The following SPG11 variants were observed in gnomAD, a reference collection of about 807,000 sequenced individuals.
SPG11 encodes the protein SPG11 vesicle trafficking associated, spatacsin.
SPG11 carries 222 observed loss-of-function variants against 274.0 expected under a neutral mutation model. That is an observed-to-expected ratio of 0.81 (90% confidence interval 0.73 to 0.91). SPG11 has a LOEUF of 0.91. SPG11 is among the 40% of genes least tolerant of loss of function. The pLI is 0.00. For missense variants in SPG11, 3,114 were observed against 2,872.7 expected (o/e 1.08, Z -1.92); for synonymous variants, 1,144 against 1,039.7 (o/e 1.10, Z -1.93).
chr15:44,643,527 A>ATTTCTT (rs2084516506), intron 7 of SPG11, among the ~76,000 whole-genome samples: 1 of 152,196 alleles, frequency 6.6e-6, no homozygotes, highest in South Asian at 2.1e-4. Context: ...CCATATAAGA[A>ATTTCTT]ATTGAACTTA....
At chr15:44,609,291 C>T (rs1397524785) in intron 18 of SPG11, among the ~76,000 whole-genome samples, 4 of 151,992 alleles carry the variant, frequency 2.6e-5, no homozygotes, top group Non-Finnish European at 5.9e-5. Context: ...ACCACCACCC[C>T]CGGCTAATTT....
rs563179053 is a variant in SPG11 at position 44,632,446 on chromosome 15, T to A, written c.1735+1059A>T. 2.6e-5 allele frequency among the ~76,000 whole-genome samples: 4 copies of A among 152,278 alleles called. No individual in the cohort carries two copies. The East Asian group carries it at 7.7e-4, about 29-fold the overall frequency. On this transcript the variant is annotated intron_variant, in intron 8 of 39. Transcript: ENST00000261866. ...TAAGAATAAAAGTTAGGCTTCCTAT[T>A]TATTAAAAAGGAAAGCCAAAATCTT...
At chr15:44,651,028 G>A (rs138394426) in intron 6 of SPG11, among the ~76,000 whole-genome samples, 2,156 of 152,242 alleles carry the variant, frequency 0.014, 49 homozygotes, top group East Asian at 0.037. Context: ...GATTACAGGC[G>A]TGAGCCACCG....
In SPG11 at chr15:44,584,210, G is replaced by A. The variant is rs312262767; in HGVS notation, c.5470C>T (p.Arg1824Ter). The A allele has an allele frequency of 4.3e-6, 7 of 1,614,072 alleles. No individual in the cohort carries two copies. Among genetic ancestry groups the A allele is most frequent in the African/African-American group, 1.3e-5 (1 of 74,928 alleles). The stretch of plus-strand genomic sequence containing the variant: ...AGTTCACCACTAGTTGAGATCTGTC[G>A]AGAAAATCTGGGCTCTGTTTCCTCC... ...NQEETEPRFSRQISTSGELSF... is the reference protein window; with the variant it reads ...NQEETEPRFS Residue 1824 changes from arginine (R) to a stop codon, truncating the protein, a stop_gained, in exon 30 of 40, where the codon CGA (arginine) becomes TGA (stop). Transcript: ENST00000261866. LOFTEE classifies it high-confidence loss of function.
At chr15:44,583,744 C>T in intron 30 of SPG11, 70 bp downstream of exon 30, 1 of 1,604,498 alleles carries the variant, frequency 6.2e-7, no homozygotes, top group South Asian at 1.1e-5. Flanking sequence ...CCACAAGGGT[C>T]CCTTCCTTCT....
At chr15:44,573,423 A>T in intron 32 of SPG11, 124 bp downstream of exon 32, 1 of 983,662 alleles carries the variant, frequency 1.0e-6, no homozygotes, top group Non-Finnish European at 1.6e-6. Context: ...AAAATACATT[A>T]CTGCAATCCA....
At chr15:44,653,132 A>C (rs1003664091) in intron 4 of SPG11, among the ~76,000 whole-genome samples, 1 of 152,174 alleles carries the variant, frequency 6.6e-6, no homozygotes, top group Admixed American at 6.6e-5. Flanking sequence ...ATGAGGCTAG[A>C]AAGATGGTTC....
At chr15:44,572,895 G>A (rs868272950) in intron 32 of SPG11, 75 bp from the exon 33 acceptor site, 26 of 1,508,958 alleles carry the variant, frequency 1.7e-5, no homozygotes, top group South Asian at 6.7e-5. Flanking sequence ...TAGGCACCAG[G>A]AGGTAATGCT....
At chr15:44,597,263 C>A (rs2083070543) in intron 23 of SPG11, 9 of 285,206 alleles carry the variant, frequency 3.2e-5, no homozygotes, top group South Asian at 2.8e-4. Context: ...CAGGCATGTG[C>A]CACCACACCC....
intron 17 of SPG11, among the ~76,000 whole-genome samples, chr15:44,612,215 T>G (rs943781152): frequency 2.0e-5 from 3 of 152,218 alleles, no homozygotes; most frequent in African/African-American, 7.2e-5. Flanking sequence ...TACTAGCACT[T>G]AACAATAGTC....
At chr15:44,572,130 G>C (rs1467862119) in intron 33 of SPG11, among the ~76,000 whole-genome samples, 1 of 152,200 alleles carries the variant, frequency 6.6e-6, no homozygotes, top group South Asian at 2.1e-4. Context: ...TAAGAAATCT[G>C]TGTAACCATT....
chr15:44,599,602 C>G (rs2083132275), intron 21 of SPG11, among the ~76,000 whole-genome samples: 1 of 152,050 alleles, frequency 6.6e-6, no homozygotes, highest in Non-Finnish European at 1.5e-5. Flanking sequence ...TCAGCCCACA[C>G]AAGACATTAT....
At chr15:44,646,151 A>C (rs970744457) in intron 7 of SPG11, among the ~76,000 whole-genome samples, 1 of 152,240 alleles carries the variant, frequency 6.6e-6, no homozygotes, top group Non-Finnish European at 1.5e-5. Flanking sequence ...AAGGAATATA[A>C]ATCATTCTAC....
chr15:44,564,659 A>C lies in SPG11; in HGVS notation c.7039T>G (p.Trp2347Gly), dbSNP rs146816632. Residue 2347 changes from tryptophan (W) to glycine (G), a missense_variant, in exon 39 of 40, where the codon TGG becomes GGG. By Grantham distance (184) the Trp-to-Gly change is radical. Coordinates refer to ENST00000261866, the MANE Select transcript of SPG11 (RefSeq NM_025137.4). ...VAEAYDFVPD[W>G]AEILYQQVIL... ...ACTTGCTGGTATAAAATTTCAGCCC[A>C]ATCTGGAACAAAATCGTAGGCCTCA... The C allele has an allele frequency of 1.5e-5, 25 of 1,614,072 alleles. No individual in the cohort carries two copies. The Admixed American group carries it at 4.0e-4, about 26-fold the overall frequency.
At chr15:44,618,049 A>C (rs1413062513) in intron 15 of SPG11, among the ~76,000 whole-genome samples, 1 of 152,176 alleles carries the variant, frequency 6.6e-6, no homozygotes, top group Non-Finnish European at 1.5e-5. Context: ...AAAAACAAAA[A>C]AATAACCGCT....
chr15:44,663,301 A>G, intron 1 of SPG11, 90 bp downstream of exon 1: 1 of 1,515,076 alleles, frequency 6.6e-7, no homozygotes. Context: ...CTATGGCTGC[A>G]GGGAGGCCTC....
intron 7 of SPG11, among the ~76,000 whole-genome samples, chr15:44,645,825 T>C (rs545978551): frequency 1.3e-5 from 2 of 152,218 alleles, no homozygotes; most frequent in African/African-American, 2.4e-5. Context: ...TGTCCTTTCA[T>C]GTCCTTCTCT....
At chr15:44,633,074 G>A (rs1193852821) in intron 8 of SPG11, among the ~76,000 whole-genome samples, 4 of 151,872 alleles carry the variant, frequency 2.6e-5, no homozygotes, top group African/African-American at 7.3e-5. Context: ...GTCCAGGCAT[G>A]GTGGCTCACG....
chr15:44,576,183 TAGG>T (rs1489750740), intron 30 of SPG11, among the ~76,000 whole-genome samples: 2 of 117,096 alleles, frequency 1.7e-5, no homozygotes, highest in African/African-American at 3.2e-5. Flanking sequence ...TAGCTTAAAA[TAGG>T]AGAAGATATT....
Sources: gnomAD v4.1 joint callset for allele counts (sites outside exome capture counted in the v4.1 genomes callset) on GRCh38, gnomAD v4.1.1 for gene constraint, MANE v1.5 for transcripts, NCBI Gene and HGNC (gene_info 2026-07-23, HGNC 2026-07-21) for gene names.